The following PCDHGB1 variants were observed in gnomAD, a reference collection of about 807,000 sequenced individuals.
PCDHGB1 encodes the protein protocadherin gamma subfamily B, 1.
Under a neutral mutation model 56.6 loss-of-function variants are expected in PCDHGB1, and 34 were observed. That is an observed-to-expected ratio of 0.60 (90% CI 0.46 to 0.80). The LOEUF is 0.80. PCDHGB1 is among the 30% of genes least tolerant of loss of function. The pLI is 0.00. For synonymous variants in PCDHGB1, 561 were observed against 505.9 expected (o/e 1.11, Z -1.46); for missense variants, 1,278 against 1,204.6 (o/e 1.06, Z -0.90).
Position 141,352,327 on chromosome 5 carries a change from T to G in PCDHGB1, c.2067T>G (p.Val689=). 1.2e-6 allele frequency: 2 copies of G among 1,614,074 alleles called. No individual in the cohort carries two copies. The highest frequency in any genetic ancestry group is 1.6e-4 in the Middle Eastern group (1 of 6,062). ...DPQTELQFYL[V]VALALISVLF... ...AGACGGAACTGCAGTTTTACCTGGTTGTGGCCTTGGCCTTGATCTCAGTGC... is the reference window on the plus strand; with the variant it reads ...AGACGGAACTGCAGTTTTACCTGGTGGTGGCCTTGGCCTTGATCTCAGTGC... Residue 689 remains valine, a synonymous_variant, in exon 1 of 4, where the codon GTT becomes GTG. Coordinates refer to ENST00000523390, the MANE Select transcript of PCDHGB1 (RefSeq NM_018922.3).
At chr5:141,385,253 G>A (rs1234375073) in intron 1 of PCDHGB1, 1 of 1,613,650 alleles carries the variant, frequency 6.2e-7, no homozygotes, top group Non-Finnish European at 8.5e-7. Flanking sequence ...CAGGAGAGCT[G>A]TGAGAAAAAT....
At chr5:141,355,876 G>T in intron 1 of PCDHGB1, 4 of 1,613,034 alleles carry the variant, frequency 2.5e-6, no homozygotes, top group Non-Finnish European at 3.4e-6. Flanking sequence ...CTCTGGCACT[G>T]CCAGGATTCT....
At chr5:141,370,198 C>G in intron 1 of PCDHGB1, 1 of 534,742 alleles carries the variant, frequency 1.9e-6, no homozygotes. Context: ...TAGTGCTGTG[C>G]AAAATATTGG....
At chr5:141,395,558 G>T (rs60237573) in intron 1 of PCDHGB1, 12 of 127,934 alleles carry the variant, frequency 9.4e-5, no homozygotes, top group African/African-American at 5.1e-4. Context: ...GTGTGTGTGT[G>T]TGTGTGTGTG....
In PCDHGB1 at chr5:141,362,122, A is replaced by G. The variant is rs772713796; in HGVS notation, c.2409+9453A>G. On this transcript the variant is annotated intron_variant, in intron 1 of 3. Transcript: ENST00000523390. Reference sequence around the variant, plus strand: ...CTCCGCTACGGCCACGCTGCACCTAATCTTCGCGGATAGCCTGCAAGAGGT... The same window carrying G: ...CTCCGCTACGGCCACGCTGCACCTAGTCTTCGCGGATAGCCTGCAAGAGGT... 5 of 1,613,798 alleles carry G rather than the reference A, an allele frequency of 3.1e-6. No individual in the cohort carries two copies. The South Asian group carries it at 3.3e-5, about 11-fold the overall frequency.
chr5:141,402,422 T>C (rs1385083470), intron 1 of PCDHGB1, among the ~76,000 whole-genome samples: 2 of 151,998 alleles, frequency 1.3e-5, no homozygotes, highest in African/African-American at 2.4e-5. Context: ...CAGAAAAAAT[T>C]GAAGCATCAT....
chr5:141,446,578 GTGAT>G (rs2098507706), intron 1 of PCDHGB1, among the ~76,000 whole-genome samples: 1 of 152,064 alleles, frequency 6.6e-6, no homozygotes, highest in African/African-American at 2.4e-5. Context: ...CCAGGTTCAA[GTGAT>G]TCTTCTGCCT....
intron 1 of PCDHGB1, chr5:141,427,758 A>T: frequency 7.4e-7 from 1 of 1,345,378 alleles, no homozygotes; most frequent in Non-Finnish European, 1.1e-6. Context: ...CATCGTTACC[A>T]CTGACTTGGA....
In PCDHGB1 at chr5:141,489,365, G is replaced by A. The variant is rs774363104; in HGVS notation, c.2410-5442G>A. ...TCAGTGGTGGAGGAGTCTGAGCCGG[G>A]GACGCTGGTGGGGAATGTTGCTCAG... On this transcript the variant is annotated intron_variant, in intron 1 of 3. Transcript: ENST00000523390. The surrounding 1 kb of genome is among the most constrained non-coding windows in gnomAD (Gnocchi z 4.5). The A allele has an allele frequency of 6.2e-7, 1 of 1,613,512 alleles. No individual in the cohort carries two copies.
chr5:141,503,417 A>T (rs1431276679), intron 2 of PCDHGB1, among the ~76,000 whole-genome samples: 2 of 151,968 alleles, frequency 1.3e-5, no homozygotes, highest in Non-Finnish European at 2.9e-5. Flanking sequence ...CAATATGGTG[A>T]AACCCCATCT....
chr5:141,439,459 A>T (rs558086952), intron 1 of PCDHGB1, among the ~76,000 whole-genome samples: 1 of 152,340 alleles, frequency 6.6e-6, no homozygotes, highest in African/African-American at 2.4e-5. Flanking sequence ...GCAAGACTGC[A>T]CTGCTGCCTT....
chr5:141,431,547 T>TA lies in PCDHGB1; in HGVS notation c.2410-63259dup. On this transcript the variant is annotated intron_variant, in intron 1 of 3. Transcript: ENST00000523390. The surrounding 1 kb of genome is among the most constrained non-coding windows in gnomAD (Gnocchi z 4.8). ...CTGGCCTTGGGCACGCAGCTGCTTG[T>TA]AGTCAACGCTACCGACCCTGACGAA... 6.2e-7 allele frequency: 1 copy of TA among 1,614,096 alleles called. No individual in the cohort carries two copies. The highest frequency in any genetic ancestry group is 8.5e-7 in the Non-Finnish European group (1 of 1,180,022).
At position 141,503,992 on chromosome 5, in the gene PCDHGB1, A is replaced by G. The variant is rs1419698681; in HGVS notation, c.2469-1401A>G. 2.6e-5 allele frequency among the ~76,000 whole-genome samples: 4 copies of G among 152,116 alleles called. No homozygotes were observed. In the East Asian group the frequency reaches 7.7e-4, roughly 29 times the overall value. ...GGTGCCAAACCCTTCTTCTTACCTTACAGTCACTTAACTGTCTCTGCTGGT... is the reference window on the plus strand; with the variant it reads ...GGTGCCAAACCCTTCTTCTTACCTTGCAGTCACTTAACTGTCTCTGCTGGT... On this transcript the variant is annotated intron_variant, in intron 2 of 3. Transcript: ENST00000523390.
chr5:141,357,080 G>T (rs1760455892), intron 1 of PCDHGB1: 2 of 1,613,924 alleles, frequency 1.2e-6, no homozygotes, highest in Non-Finnish European at 1.7e-6. Context: ...GGCGAGGTGC[G>T]CACCGCACGG....
chr5:141,453,721 A>G (rs373983847), intron 1 of PCDHGB1, among the ~76,000 whole-genome samples: 4 of 152,244 alleles, frequency 2.6e-5, no homozygotes, highest in East Asian at 1.9e-4. Flanking sequence ...CTATAAAAAT[A>G]TTTGTTACTA....
intron 1 of PCDHGB1, chr5:141,377,824 A>G (rs1774374957): frequency 6.6e-6 from 1 of 152,212 alleles, no homozygotes; most frequent in Admixed American, 6.5e-5. Context: ...TGGGCCAGTT[A>G]CAATCGCCAT....
intron 1 of PCDHGB1, among the ~76,000 whole-genome samples, chr5:141,438,619 TATATATATATATATATAC>T (rs1380852637): frequency 0.021 from 829 of 39,644 alleles, 15 homozygotes; most frequent in East Asian, 0.054. Context: ...TATATATATA[TATATATATATATATATAC>T]ACACACACAC....
chr5:141,480,660 C>T (rs535356928), intron 1 of PCDHGB1, among the ~76,000 whole-genome samples: 2 of 152,170 alleles, frequency 1.3e-5, no homozygotes, highest in Non-Finnish European at 2.9e-5. Flanking sequence ...ACATTAAAAT[C>T]ACCTAGAGAC....
intron 2 of PCDHGB1, among the ~76,000 whole-genome samples, chr5:141,500,292 T>A (rs1001226545): frequency 2.0e-5 from 3 of 151,954 alleles, no homozygotes; most frequent in Non-Finnish European, 4.4e-5. Context: ...CACTGCAAGC[T>A]CCGCCTCCCA....
Sources: allele counts gnomAD v4.1 joint callset (sites outside exome capture counted in the v4.1 genomes callset), GRCh38; gene constraint gnomAD v4.1.1; non-coding constraint Gnocchi (gnomAD v3.1); transcripts MANE v1.5; gene names NCBI Gene and HGNC (gene_info 2026-07-23, HGNC 2026-07-21).